Variants in NUP37 observed in about 807,000 individuals in gnomAD.
NUP37 encodes nucleoporin Nup37.
A neutral mutation model predicts 45.4 loss-of-function variants in NUP37; 33 were observed. That is an observed-to-expected ratio of 0.73 (90% CI 0.55 to 0.97). NUP37 has a LOEUF of 0.97. NUP37 is among the 50% of genes least tolerant of loss of function. The probability of loss-of-function intolerance (pLI) is 0.00; values close to 1 mark genes in which losing one functional copy is unlikely to be tolerated. For missense variants in NUP37, 365 were observed against 389.7 expected, an observed-to-expected ratio of 0.94 and a Z score of 0.53; for synonymous variants, 127 against 130.7, an observed-to-expected ratio of 0.97 and a Z score of 0.19.
chr12:102,113,762 T>A (rs981976597), intron 2 of NUP37, among the ~76,000 whole-genome samples: 1 of 152,212 alleles, frequency 6.6e-6, no homozygotes, highest in Admixed American at 6.5e-5. Flanking sequence ...CGTATGTCTA[T>A]ATTGATAGGA....
intron 5 of NUP37, among the ~76,000 whole-genome samples, chr12:102,086,453 C>CA (rs1879474312): frequency 6.6e-6 from 1 of 152,122 alleles, no homozygotes; most frequent in Non-Finnish European, 1.5e-5. Flanking sequence ...TTTCTCTCCC[C>CA]AAGCTGGCCA....
At chr12:102,112,859 T>A (rs1880357722) in intron 2 of NUP37, among the ~76,000 whole-genome samples, 1 of 152,220 alleles carries the variant, frequency 6.6e-6, no homozygotes, top group Non-Finnish European at 1.5e-5. Context: ...GTGTGTAAGA[T>A]GCTACAAATA....
chr12:102,118,500 T>C lies in NUP37; in HGVS notation c.19A>G (p.Arg7Gly), dbSNP rs1441032994. The change falls in exon 2 of 10, where the codon AGA becomes GGA. Residue 7 changes from arginine (R) to glycine (G), a missense_variant. By Grantham distance (125) the Arg-to-Gly change is moderately radical. Coordinates refer to ENST00000552283, the MANE Select transcript of NUP37 (RefSeq NM_024057.4). ...CAATCCACAGTGTAGGCAGCATTTC[T>C]TGAGGCATCTTGCTTCATCTTGTAT... MKQDAS[R>G]NAAYTVDCED... 1 of 1,609,698 alleles carries C rather than the reference T, an allele frequency of 6.2e-7. No homozygotes were observed. The highest frequency in any genetic ancestry group is 8.5e-7 in the Non-Finnish European group (1 of 1,179,034).
At chr12:102,101,841 C>G (rs900297838) in intron 3 of NUP37, among the ~76,000 whole-genome samples, 3 of 152,130 alleles carry the variant, frequency 2.0e-5, no homozygotes, top group Non-Finnish European at 4.4e-5. Flanking sequence ...TCTCCTACCT[C>G]AGCCTCCCAA....
Position 102,077,472 on chromosome 12 carries a change from CG to C in NUP37, c.571del (p.Arg191GlyfsTer21). ...LMVAEKNGTI[R>X]FYDLLAQQAI... ...CTGTTGGGCCAAAAGATCATAAAAC[CG>C]GATTGTTCCATTCTTCTCTGCAACC... is the stretch of plus-strand genomic sequence containing the variant. On this transcript the variant is annotated frameshift_variant, in exon 7 of 10. Coordinates refer to ENST00000552283, the MANE Select transcript of NUP37 (RefSeq NM_024057.4). LOFTEE classifies it high-confidence loss of function. 1 of 1,613,588 alleles carries C rather than the reference CG, an allele frequency of 6.2e-7. No individual in the cohort carries two copies. Among genetic ancestry groups the C allele is most frequent in the Non-Finnish European group, 8.5e-7 (1 of 1,179,996 alleles).
In NUP37 at chr12:102,074,997, T is replaced by C. The variant is rs1468304012; in HGVS notation, c.867+4A>G. The C allele has an allele frequency of 2.5e-6, 4 of 1,570,166 alleles. No homozygotes were observed. Among genetic ancestry groups the C allele is most frequent in the East Asian group, 2.3e-5 (1 of 44,406 alleles). ...ACGTATGTTACAAAACATTTCCACA[T>C]TACCTGAGGGTGTCCTAAATGATGA... On this transcript the variant is annotated splice_donor_region_variant and intron_variant, in intron 9 of 9. Coordinates refer to ENST00000552283, the MANE Select transcript of NUP37 (RefSeq NM_024057.4).
intron 5 of NUP37, among the ~76,000 whole-genome samples, chr12:102,086,601 C>A (rs1040929717): frequency 6.6e-6 from 1 of 152,194 alleles, no homozygotes; most frequent in Non-Finnish European, 1.5e-5. Context: ...TTTACCATTG[C>A]AGAGGGAGAG....
At chr12:102,075,133 T>C (rs1301369485) in intron 8 of NUP37, 39 bp from the exon 9 acceptor site, 1 of 1,290,298 alleles carries the variant, frequency 7.8e-7, no homozygotes, top group Non-Finnish European at 1.1e-6. Context: ...TATCGTATCC[T>C]ATGGATAATG....
intron 5 of NUP37, among the ~76,000 whole-genome samples, chr12:102,093,761 C>G (rs1594391447): frequency 6.6e-6 from 1 of 152,130 alleles, no homozygotes; most frequent in Middle Eastern, 3.4e-3. Context: ...AATGGTCTTT[C>G]AAAATCTGGA....
At chr12:102,086,487 G>GA (rs1879475854) in intron 5 of NUP37, among the ~76,000 whole-genome samples, 1 of 152,176 alleles carries the variant, frequency 6.6e-6, no homozygotes, top group South Asian at 2.1e-4. Flanking sequence ...AAGCTGGGTT[G>GA]AAAGAGGCAT....
chr12:102,089,226 C>T (rs1207685372), intron 5 of NUP37, among the ~76,000 whole-genome samples: 6 of 151,880 alleles, frequency 4.0e-5, no homozygotes, highest in South Asian at 2.1e-4. Context: ...GCTGTCTCTT[C>T]GGAGCTGTTG....
intron 2 of NUP37, 134 bp downstream of exon 2, chr12:102,118,229 T>G: frequency 1.1e-6 from 1 of 877,794 alleles, no homozygotes; most frequent in Non-Finnish European, 1.7e-6. Context: ...GGGAACATCT[T>G]TCTCTATGGA....
At chr12:102,094,287 G>C (rs886981667) in intron 5 of NUP37, among the ~76,000 whole-genome samples, 2 of 152,024 alleles carry the variant, frequency 1.3e-5, no homozygotes, top group African/African-American at 4.8e-5. Flanking sequence ...GACAAGCAGG[G>C]AACTTTTCCT....
At chr12:102,118,263 T>C in intron 2 of NUP37, 100 bp downstream of exon 2, 1 of 1,176,936 alleles carries the variant, frequency 8.5e-7, no homozygotes, top group Non-Finnish European at 1.2e-6. Context: ...TTTTTTAACA[T>C]TCAAACTCAA....
intron 6 of NUP37, among the ~76,000 whole-genome samples, chr12:102,084,853 A>G (rs979066381): frequency 6.6e-6 from 1 of 152,214 alleles, no homozygotes; most frequent in African/African-American, 2.4e-5. Flanking sequence ...TACAATAACT[A>G]CAGTGATGAC....
At chr12:102,107,369 T>C (rs2136748767) in intron 3 of NUP37, among the ~76,000 whole-genome samples, 1 of 152,300 alleles carries the variant, frequency 6.6e-6, no homozygotes, top group East Asian at 1.9e-4. Context: ...TCAGCTTCCC[T>C]TTGGTTGTCC....
intron 6 of NUP37, among the ~76,000 whole-genome samples, chr12:102,078,413 C>A (rs1038974752): frequency 8.6e-5 from 13 of 151,788 alleles, no homozygotes; most frequent in Non-Finnish European, 1.3e-4. Flanking sequence ...TTTAACAATT[C>A]CTTCTGGGAA....
chr12:102,118,437 C>A lies in NUP37; in HGVS notation c.82G>T (p.Glu28Ter). The change falls in exon 2 of 10, where the codon GAG (glutamate) becomes TAG (stop). Residue 28 changes from glutamate (E) to a stop codon, truncating the protein, a stop_gained. Coordinates refer to ENST00000552283, the MANE Select transcript of NUP37 (RefSeq NM_024057.4). LOFTEE classifies it high-confidence loss of function. ...ATTAGGTTTCCTGAATCCCCATTCT[C>A]AAAGGGATTAAATTCTACCACATGC... ...YVHVVEFNPF[E>*]NGDSGNLIAY... is the part of the protein sequence containing the mutation. The A allele has an allele frequency of 6.2e-7, 1 of 1,613,890 alleles. No homozygotes were observed. Among genetic ancestry groups the A allele is most frequent in the Non-Finnish European group, 8.5e-7 (1 of 1,179,858 alleles).
intron 5 of NUP37, among the ~76,000 whole-genome samples, chr12:102,095,175 T>G (rs938447291): frequency 1.3e-5 from 2 of 152,226 alleles, no homozygotes; most frequent in Admixed American, 1.3e-4. Flanking sequence ...TGTTCTGTAT[T>G]AGTGAGTTTT....
Sources: gnomAD v4.1 joint callset for allele counts (sites outside exome capture counted in the v4.1 genomes callset) on GRCh38, gnomAD v4.1.1 for gene constraint, MANE v1.5 for transcripts, NCBI Gene and HGNC (gene_info 2026-07-23, HGNC 2026-07-21) for gene names.